BCL7B: variants seen among roughly 807,000 people sequenced by gnomAD.
The protein encoded by BCL7B is BAF chromatin remodeling complex subunit BCL7B.
BCL7B carries 11 observed loss-of-function variants against 26.5 expected under a neutral mutation model. That is an observed-to-expected ratio of 0.42 (90% CI 0.26 to 0.69). The LOEUF (loss-of-function observed/expected upper bound fraction) is 0.69. Among genes scored for constraint, BCL7B ranks in the 30% least tolerant of loss-of-function variants. The pLI is 0.28. For missense variants in BCL7B, 215 were observed against 264.4 expected, an observed-to-expected ratio of 0.81 and a Z score of 1.30; for synonymous variants, 111 against 107.9, an observed-to-expected ratio of 1.03 and a Z score of -0.18.
chr7:73,538,000 G>A lies in BCL7B; in HGVS notation c.450C>T (p.Pro150=), dbSNP rs1554582373. 2 of 1,601,122 alleles carry A rather than the reference G, an allele frequency of 1.2e-6. No homozygotes were observed. Among genetic ancestry groups the A allele is most frequent in the East Asian group, 4.6e-5 (2 of 43,622 alleles). The part of the protein sequence containing the change: ...GQEILEEPSL[P]SSEVADEPPT... ...GAGGTTCATCAGCAACTTCCGAGGA[G>A]GGCAGGGAGGGCTCTGAAAAGGCAG... Residue 150 remains proline (P), a synonymous_variant, in exon 5 of 6, where the codon CCC becomes CCT. Coordinates refer to ENST00000223368, the MANE Select transcript of BCL7B (RefSeq NM_001707.4).
intron 1 of BCL7B, among the ~76,000 whole-genome samples, chr7:73,553,132 TG>T (rs370682281): frequency 0.012 from 1,873 of 149,974 alleles, 39 homozygotes; most frequent in African/African-American, 0.044. Flanking sequence ...GGGGTGGGGG[TG>T]GGGGGTCTCT....
At chr7:73,538,740 G>C (rs1372262186) in intron 4 of BCL7B, among the ~76,000 whole-genome samples, 1 of 149,632 alleles carries the variant, frequency 6.7e-6, no homozygotes, top group East Asian at 2.0e-4. Context: ...TTGACCCCAG[G>C]AGTTCAAGAC....
At chr7:73,543,502 C>T in intron 3 of BCL7B, 46 bp downstream of exon 3, 1 of 1,561,946 alleles carries the variant, frequency 6.4e-7, no homozygotes, top group East Asian at 2.2e-5. Flanking sequence ...ATGCATTCAT[C>T]CAAGTTTTCA....
At chr7:73,555,343 C>T (rs568442787) in intron 1 of BCL7B, among the ~76,000 whole-genome samples, 9 of 150,512 alleles carry the variant, frequency 6.0e-5, no homozygotes, top group East Asian at 3.9e-4. Context: ...CAGAGGTTGC[C>T]GTGAGCCAAG....
chr7:73,540,913 A>G (rs1554582797), intron 3 of BCL7B, among the ~76,000 whole-genome samples: 1 of 146,520 alleles, frequency 6.8e-6, no homozygotes, highest in South Asian at 2.3e-4. Context: ...TTGGGAGGCC[A>G]AGGTGGGCGG....
At chr7:73,546,561 A>C (rs148381554) in intron 2 of BCL7B, among the ~76,000 whole-genome samples, 1 of 151,624 alleles carries the variant, frequency 6.6e-6, no homozygotes, top group African/African-American at 2.4e-5. Flanking sequence ...CCAGCTACTC[A>C]GGAGGCTGAG....
intron 1 of BCL7B, among the ~76,000 whole-genome samples, chr7:73,554,561 G>A (rs1554584515): frequency 1.3e-5 from 2 of 152,030 alleles, no homozygotes; most frequent in African/African-American, 4.8e-5. Flanking sequence ...ACTTTAGAAG[G>A]CTGAGGTGGG....
At chr7:73,545,518 G>A (rs1346862231) in intron 2 of BCL7B, among the ~76,000 whole-genome samples, 11 of 152,198 alleles carry the variant, frequency 7.2e-5, no homozygotes, top group South Asian at 2.1e-4. Context: ...CATCGCACTC[G>A]GCCAAGGAAA....
intron 1 of BCL7B, among the ~76,000 whole-genome samples, chr7:73,554,049 C>T (rs1554584463): frequency 6.6e-6 from 1 of 151,118 alleles, no homozygotes; most frequent in African/African-American, 2.4e-5. Flanking sequence ...CTCCTTGCGG[C>T]CTCAAAATCC....
chr7:73,551,492 AG>A (rs1792168170), intron 2 of BCL7B, among the ~76,000 whole-genome samples: 1 of 151,914 alleles, frequency 6.6e-6, no homozygotes, highest in African/African-American at 2.4e-5. Flanking sequence ...TAGTAGAGAC[AG>A]GGGTTGCACT....
At chr7:73,551,202 T>C (rs1792155330) in intron 2 of BCL7B, among the ~76,000 whole-genome samples, 1 of 152,224 alleles carries the variant, frequency 6.6e-6, no homozygotes, top group African/African-American at 2.4e-5. Context: ...TTACGGGCCA[T>C]TTGGCCTTAT....
chr7:73,540,182 G>A, intron 3 of BCL7B, 130 bp from the exon 4 acceptor site: 1 of 964,686 alleles, frequency 1.0e-6, no homozygotes, highest in African/African-American at 1.6e-5. Context: ...TAATCATTGT[G>A]CCCGGCCTAC....
At chr7:73,548,635 T>TA (rs1170172353) in intron 2 of BCL7B, among the ~76,000 whole-genome samples, 1 of 148,728 alleles carries the variant, frequency 6.7e-6, no homozygotes, top group South Asian at 2.1e-4. Context: ...ATAATAATAA[T>TA]AAAAAAAGGA....
intron 1 of BCL7B, among the ~76,000 whole-genome samples, chr7:73,554,144 G>A (rs1333143818): frequency 2.6e-5 from 4 of 151,630 alleles, no homozygotes; most frequent in African/African-American, 9.7e-5. Flanking sequence ...TGTATTTTTA[G>A]TAAGGATAGG....
rs375188327 is a variant in BCL7B at position 73,539,865 on chromosome 7, G to A, written c.436+17C>T. 23 of 1,608,082 alleles carry A rather than the reference G, an allele frequency of 1.4e-5. No homozygotes were observed. The highest frequency in any genetic ancestry group is 1.3e-4 in the African/African-American group (10 of 74,932). ...AGGCCCTTCTAGGAAACTCATCCTC[G>A]GCCAACCACGACTCACCCTCCAGGA... On this transcript the variant is annotated intron_variant, in intron 4 of 5. Transcript: ENST00000223368.
At chr7:73,545,406 G>C (rs1281664604) in intron 2 of BCL7B, among the ~76,000 whole-genome samples, 1 of 151,962 alleles carries the variant, frequency 6.6e-6, no homozygotes, top group Non-Finnish European at 1.5e-5. Context: ...GTAGAGATGG[G>C]GTTTCACCAT....
intron 2 of BCL7B, among the ~76,000 whole-genome samples, chr7:73,545,921 G>A (rs1473815876): frequency 6.6e-6 from 1 of 152,046 alleles, no homozygotes; most frequent in Non-Finnish European, 1.5e-5. Flanking sequence ...CACGAGGTCA[G>A]GAGATTGAGA....
chr7:73,543,316 A>G (rs1791838824), intron 3 of BCL7B, among the ~76,000 whole-genome samples: 1 of 151,886 alleles, frequency 6.6e-6, no homozygotes, highest in Non-Finnish European at 1.5e-5. Flanking sequence ...AGCTGGGATT[A>G]CAGGCACGCG....
At position 73,550,818 on chromosome 7, in the gene BCL7B, C is replaced by T. The variant is rs1379946115; in HGVS notation, c.168+1349G>A. Among the ~76,000 whole-genome samples, 9 of 151,648 alleles carry T rather than the reference C, an allele frequency of 5.9e-5. 1 individual carries two copies. The highest frequency in any genetic ancestry group is 3.9e-4 in the Admixed American group (6 of 15,206). On this transcript the variant is annotated intron_variant, in intron 2 of 5. Coordinates refer to ENST00000223368, the MANE Select transcript of BCL7B (RefSeq NM_001707.4). Reference sequence around the variant, plus strand: ...GACTACAGGCGCCCACCACCATGCCCGGCTAATTTTTTGTACTTTTAGTAG... The same window carrying T: ...GACTACAGGCGCCCACCACCATGCCTGGCTAATTTTTTGTACTTTTAGTAG...
Sources: gnomAD v4.1 joint callset for allele counts (sites outside exome capture counted in the v4.1 genomes callset) on GRCh38, gnomAD v4.1.1 for gene constraint, MANE v1.5 for transcripts, NCBI Gene and HGNC (gene_info 2026-07-23, HGNC 2026-07-21) for gene names.